Variants in TYW1 observed in about 807,000 individuals in gnomAD.
The protein encoded by TYW1 is S-adenosyl-L-methionine-dependent tRNA 4-demethylwyosine synthase TYW1.
A neutral mutation model predicts 96.2 loss-of-function variants in TYW1; 46 were observed. The observed-to-expected ratio is 0.48, with a 90% CI of 0.38 to 0.61. The LOEUF (loss-of-function observed/expected upper bound fraction) is 0.61. Ranked by LOEUF, TYW1 falls within the 20% of genes least tolerant of loss-of-function variation. TYW1 has a pLI of 0.00. For synonymous variants in TYW1, 274 were observed against 323.0 expected (o/e 0.85, Z 1.63); for missense variants, 684 against 909.6 (o/e 0.75, Z 3.19).
chr7:67,211,152 G>GTGTGTA, intron 15 of TYW1, among the ~76,000 whole-genome samples: 1 of 39,230 alleles, frequency 2.5e-5, no homozygotes, highest in Non-Finnish European at 4.6e-5. Context: ...CATCAACATT[G>GTGTGTA]TGTGTGTGTG....
At chr7:67,201,988 TA>T (rs1800615398) in intron 15 of TYW1, among the ~76,000 whole-genome samples, 1 of 152,200 alleles carries the variant, frequency 6.6e-6, no homozygotes, top group African/African-American at 2.4e-5. Context: ...CGTTCCTCTT[TA>T]AAATTCAAGA....
At chr7:67,015,876 T>C (rs985547777) in intron 5 of TYW1, among the ~76,000 whole-genome samples, 3 of 151,062 alleles carry the variant, frequency 2.0e-5, no homozygotes, top group African/African-American at 7.3e-5. Flanking sequence ...GGCAGGAGAA[T>C]GGCGTGTACT....
At chr7:67,125,987 C>G (rs1797901324) in intron 13 of TYW1, among the ~76,000 whole-genome samples, 1 of 151,996 alleles carries the variant, frequency 6.6e-6, no homozygotes, top group African/African-American at 2.4e-5. Flanking sequence ...TGGTTTCTTC[C>G]AAGTTTTGGC....
At chr7:67,137,907 A>T (rs1798317131) in intron 13 of TYW1, among the ~76,000 whole-genome samples, 1 of 152,210 alleles carries the variant, frequency 6.6e-6, no homozygotes. Context: ...AGCAGCAGAG[A>T]GAGGCCCACA....
chr7:67,166,060 G>A (rs1300214382), intron 13 of TYW1, among the ~76,000 whole-genome samples: 1 of 151,914 alleles, frequency 6.6e-6, no homozygotes, highest in Non-Finnish European at 1.5e-5. Context: ...ACAATATAGC[G>A]ACACTCCATC....
chr7:67,088,620 G>A (rs2687005), intron 11 of TYW1, among the ~76,000 whole-genome samples: 2 of 152,120 alleles, frequency 1.3e-5, no homozygotes, highest in South Asian at 2.1e-4. Flanking sequence ...CTGGAATGCA[G>A]TGGCATGATC....
chr7:67,152,437 T>C (rs776151269), intron 13 of TYW1, among the ~76,000 whole-genome samples: 2 of 151,112 alleles, frequency 1.3e-5, no homozygotes, highest in Non-Finnish European at 3.0e-5. Flanking sequence ...TTTGCTCTCA[T>C]TGTTTTTTTC....
At chr7:67,060,860 G>A (rs1562990924) in intron 9 of TYW1, among the ~76,000 whole-genome samples, 1 of 152,122 alleles carries the variant, frequency 6.6e-6, no homozygotes, top group African/African-American at 2.4e-5. Context: ...AATATCTTTG[G>A]TCATGACATT....
intron 7 of TYW1, among the ~76,000 whole-genome samples, chr7:67,037,778 G>A (rs566988131): frequency 5.9e-5 from 9 of 151,992 alleles, no homozygotes; most frequent in Non-Finnish European, 1.0e-4. Flanking sequence ...GACCAGCCTC[G>A]GCAACATAGC....
At chr7:67,221,755 A>T (rs1197407352) in intron 15 of TYW1, among the ~76,000 whole-genome samples, 1 of 152,208 alleles carries the variant, frequency 6.6e-6, no homozygotes, top group Non-Finnish European at 1.5e-5. Context: ...CAGCATACAA[A>T]ACTATGTTCC....
At chr7:67,080,497 T>A (rs933128492) in intron 10 of TYW1, among the ~76,000 whole-genome samples, 2 of 151,694 alleles carry the variant, frequency 1.3e-5, no homozygotes, top group Non-Finnish European at 2.9e-5. Context: ...CTTCCGCCTC[T>A]CAGGTTCAAG....
intron 10 of TYW1, among the ~76,000 whole-genome samples, chr7:67,071,744 C>G (rs575352869): frequency 7.9e-4 from 121 of 152,278 alleles, no homozygotes; most frequent in African/African-American, 2.7e-3. Flanking sequence ...CCTCAGCCTC[C>G]TGAGTAGCTG....
intron 7 of TYW1, among the ~76,000 whole-genome samples, chr7:67,028,372 AC>A (rs968584051): frequency 9.2e-5 from 14 of 152,174 alleles, no homozygotes; most frequent in African/African-American, 2.7e-4. Flanking sequence ...ACATGGTGAA[AC>A]CCCGTCTTTT....
intron 13 of TYW1, among the ~76,000 whole-genome samples, chr7:67,144,651 T>C (rs1798549349): frequency 6.6e-6 from 1 of 152,054 alleles, no homozygotes. Context: ...TTGTATTTTT[T>C]ATAGAGACAG....
chr7:67,028,998 T>C (rs7457479), intron 7 of TYW1, among the ~76,000 whole-genome samples: 59,833 of 150,668 alleles, frequency 0.4, 12,290 homozygotes, highest in Admixed American at 0.49. Context: ...GACGCTGATA[T>C]GGACTTTTTT....
At chr7:67,171,411 C>G (rs10251763) in intron 13 of TYW1, among the ~76,000 whole-genome samples, 42,613 of 151,782 alleles carry the variant, frequency 0.28, 6,471 homozygotes, top group African/African-American at 0.4. Flanking sequence ...TTTCTCTTTC[C>G]TAACCCTGTT....
rs1249719231 is a variant in TYW1 at position 67,238,965 on chromosome 7, C to G, written c.*436C>G. 1.0e-6 allele frequency: 1 copy of G among 997,228 alleles called. No homozygotes were observed. The highest frequency in any genetic ancestry group is 1.0e-4 in the East Asian group (1 of 9,856). The allele number at this position is 997,228 out of a possible 1,614,324, so 61.8% of individuals were successfully genotyped here. On this transcript the variant is annotated 3_prime_UTR_variant, in exon 16 of 16. Coordinates refer to ENST00000359626, the MANE Select transcript of TYW1 (RefSeq NM_018264.4). ...TTGAATTGCACTACCCTGAGCTAAA[C>G]GTGTCTGTGCTTTCTAAGATAAGAG...
intron 14 of TYW1, among the ~76,000 whole-genome samples, chr7:67,190,306 C>T (rs2116328293): frequency 6.6e-6 from 1 of 152,286 alleles, no homozygotes; most frequent in East Asian, 1.9e-4. Context: ...AAATTTTGTA[C>T]TAGATTAGAA....
At position 67,136,685 on chromosome 7, in the gene TYW1, GTATATA is replaced by G. The variant is rs1182173982; in HGVS notation, c.1698+19075_1698+19080del. On this transcript the variant is annotated intron_variant, in intron 13 of 15. Coordinates refer to ENST00000359626, the MANE Select transcript of TYW1 (RefSeq NM_018264.4). ...TGTGTGTGTGTGTGTGTGTGTGTGT[GTATATA>G]TATATATGCTGACATCACTATATTA... Among the ~76,000 whole-genome samples the G allele has an allele frequency of 3.2e-3, 389 of 122,266 alleles. 3 individuals carry two copies. The highest frequency in any genetic ancestry group is 0.013 in the African/African-American group (364 of 28,176). The allele number at this position is 122,266 out of a possible 152,430, so 80.2% of individuals were successfully genotyped here. A position where few individuals can be genotyped will look rare whatever the true frequency, so the allele number is the denominator to read the frequency against.
Sources: gnomAD v4.1 joint callset for allele counts (sites outside exome capture counted in the v4.1 genomes callset) on GRCh38, gnomAD v4.1.1 for gene constraint, MANE v1.5 for transcripts, NCBI Gene and HGNC (gene_info 2026-07-23, HGNC 2026-07-21) for gene names.